The following CADPS2 variants were observed in gnomAD, a reference collection of about 807,000 sequenced individuals.
CADPS2 encodes calcium-dependent secretion activator 2.
In CADPS2, 93 loss-of-function variants were observed where a neutral mutation model predicts 172.5. That is an observed-to-expected ratio of 0.54 (90% CI 0.46 to 0.64). The LOEUF is 0.64. Ranked by LOEUF, CADPS2 falls within the 30% of genes least tolerant of loss-of-function variation. CADPS2 has a pLI of 0.00. For synonymous variants in CADPS2, 546 were observed against 555.2 expected, an observed-to-expected ratio of 0.98 and a Z score of 0.23; for missense variants, 1,420 against 1,565.9, an observed-to-expected ratio of 0.91 and a Z score of 1.57.
In CADPS2 at chr7:122,625,941, C is replaced by G. The variant is rs1022278763; in HGVS notation, c.867+3307G>C. Among the ~76,000 whole-genome samples the G allele has an allele frequency of 8.5e-5, 13 of 152,218 alleles. 1 individual carries two copies. The South Asian group carries it at 2.5e-3, about 29-fold the overall frequency. ...TATTGGCTCTGTCTCTCTGGAGAACCTGACTACAGCAGGGAGAAAGCCATG... is the reference window on the plus strand; with the variant it reads ...TATTGGCTCTGTCTCTCTGGAGAACGTGACTACAGCAGGGAGAAAGCCATG... On this transcript the variant is annotated intron_variant, in intron 4 of 29. Coordinates refer to ENST00000449022, the MANE Select transcript of CADPS2 (RefSeq NM_017954.11).
At chr7:122,702,529 C>T (rs1396480025) in intron 2 of CADPS2, 1 of 1,613,536 alleles carries the variant, frequency 6.2e-7, no homozygotes, top group Non-Finnish European at 8.5e-7. Context: ...GAAGTGCCAC[C>T]ACACCAGACA....
In CADPS2 at chr7:122,603,437, G is replaced by C. The variant is rs118053525; in HGVS notation, c.1223+11744C>G. ...TGCTAAAAGAAGAGATTTAAAGAAAGTAGAGAAATGAATACATGAGCAGAA... is the reference window on the plus strand; with the variant it reads ...TGCTAAAAGAAGAGATTTAAAGAAACTAGAGAAATGAATACATGAGCAGAA... On this transcript the variant is annotated intron_variant, in intron 6 of 29. Transcript: ENST00000449022. 1.2e-3 allele frequency among the ~76,000 whole-genome samples: 173 copies of C among 148,508 alleles called. 1 individual carries two copies. In the East Asian group the frequency reaches 0.027, roughly 23 times the overall value.
At chr7:122,763,581 A>G (rs1027879188) in intron 1 of CADPS2, among the ~76,000 whole-genome samples, 2 of 152,212 alleles carry the variant, frequency 1.3e-5, no homozygotes, top group African/African-American at 4.8e-5. Flanking sequence ...GGTAAACTCC[A>G]TTATTCAGTG....
intron 28 of CADPS2, among the ~76,000 whole-genome samples, chr7:122,345,334 C>T (rs1040740633): frequency 3.9e-5 from 6 of 152,004 alleles, no homozygotes; most frequent in Admixed American, 2.0e-4. Context: ...GACGGGGTTT[C>T]GCCATGTTGG....
At chr7:122,695,074 C>T (rs945504754) in intron 2 of CADPS2, among the ~76,000 whole-genome samples, 1 of 152,196 alleles carries the variant, frequency 6.6e-6, no homozygotes, top group African/African-American at 2.4e-5. Flanking sequence ...AGCTGACTAA[C>T]ATTCTCTGCA....
chr7:122,693,328 A>G (rs927387771), intron 2 of CADPS2, among the ~76,000 whole-genome samples: 2 of 152,300 alleles, frequency 1.3e-5, no homozygotes, highest in Non-Finnish European at 2.9e-5. Context: ...GCCTTTATCA[A>G]TTCCTCTCTA....
At chr7:122,437,017 CTT>C (rs1350006559) in intron 17 of CADPS2, among the ~76,000 whole-genome samples, 1 of 151,966 alleles carries the variant, frequency 6.6e-6, no homozygotes, top group Non-Finnish European at 1.5e-5. Context: ...TTCCCCACAA[CTT>C]TTATCTTTGC....
At chr7:122,449,119 T>C (rs1276409512) in intron 15 of CADPS2, among the ~76,000 whole-genome samples, 2 of 152,058 alleles carry the variant, frequency 1.3e-5, no homozygotes, top group African/African-American at 2.4e-5. Flanking sequence ...TTTAAAACAG[T>C]TGGAGGCAGG....
chr7:122,816,524 A>C (rs982663893), intron 1 of CADPS2, among the ~76,000 whole-genome samples: 1 of 152,222 alleles, frequency 6.6e-6, no homozygotes, highest in African/African-American at 2.4e-5. Context: ...CTTAAATATT[A>C]TGATCTCCTT....
chr7:122,495,714 A>C (rs2058681281), intron 9 of CADPS2, among the ~76,000 whole-genome samples: 2 of 152,132 alleles, frequency 1.3e-5, no homozygotes, highest in African/African-American at 4.8e-5. Flanking sequence ...CTTCATCTTT[A>C]CTGAATGTTG....
At chr7:122,619,193 A>G (rs1209632589) in intron 5 of CADPS2, among the ~76,000 whole-genome samples, 1 of 152,160 alleles carries the variant, frequency 6.6e-6, no homozygotes, top group Non-Finnish European at 1.5e-5. Flanking sequence ...AATTATTACA[A>G]TTGTTTAAGA....
At chr7:122,862,421 T>A (rs1290100097) in intron 1 of CADPS2, among the ~76,000 whole-genome samples, 1 of 152,178 alleles carries the variant, frequency 6.6e-6, no homozygotes, top group Admixed American at 6.5e-5. Flanking sequence ...AGGAGATTTA[T>A]CCCTAGCCTC....
At chr7:122,881,926 C>A (rs1823026396) in intron 1 of CADPS2, among the ~76,000 whole-genome samples, 1 of 152,142 alleles carries the variant, frequency 6.6e-6, no homozygotes, top group Admixed American at 6.5e-5. Flanking sequence ...TTTACTCCAT[C>A]CTATTCCTCA....
intron 2 of CADPS2, among the ~76,000 whole-genome samples, chr7:122,686,974 C>G (rs1289366027): frequency 6.6e-6 from 1 of 152,142 alleles, no homozygotes; most frequent in African/African-American, 2.4e-5. Context: ...GGTGAGCCAC[C>G]ACACCTGGCC....
At chr7:122,560,054 A>C in intron 7 of CADPS2, among the ~76,000 whole-genome samples, 1 of 152,106 alleles carries the variant, frequency 6.6e-6, no homozygotes, top group Non-Finnish European at 1.5e-5. Flanking sequence ...GTGACTGGAG[A>C]CCTGAGCAGG....
intron 2 of CADPS2, among the ~76,000 whole-genome samples, chr7:122,714,373 C>G (rs2136839347): frequency 6.6e-6 from 1 of 152,116 alleles, no homozygotes; most frequent in South Asian, 2.1e-4. Flanking sequence ...CAGATTGTTT[C>G]TAGCTGTCTT....
chr7:122,630,201 A>G (rs1349795617), intron 3 of CADPS2, among the ~76,000 whole-genome samples: 1 of 152,168 alleles, frequency 6.6e-6, no homozygotes, highest in Non-Finnish European at 1.5e-5. Context: ...TAAAGATTCG[A>G]TTGAGTATAA....
intron 2 of CADPS2, chr7:122,697,577 A>C (rs2085312098): frequency 4.1e-6 from 2 of 488,352 alleles, no homozygotes; most frequent in Non-Finnish European, 7.2e-6. Flanking sequence ...ATACATTGAC[A>C]AAAAATTACA....
intron 2 of CADPS2, chr7:122,681,281 TAAAA>T: frequency 5.7e-6 from 5 of 876,786 alleles, no homozygotes; most frequent in South Asian, 4.0e-5. Flanking sequence ...AGTATAATAA[TAAAA>T]GAAAGAGCTC....
Sources: allele counts gnomAD v4.1 joint callset (sites outside exome capture counted in the v4.1 genomes callset), GRCh38; gene constraint gnomAD v4.1.1; transcripts MANE v1.5; gene names NCBI Gene and HGNC (gene_info 2026-07-23, HGNC 2026-07-21).